The following BRD4 variants were observed in gnomAD, a reference collection of about 807,000 sequenced individuals.
The protein encoded by BRD4 is bromodomain-containing protein 4.
BRD4 carries 16 observed loss-of-function variants against 142.1 expected under a neutral mutation model. That is an observed-to-expected ratio of 0.11 (90% confidence interval 0.08 to 0.17). BRD4 has a LOEUF of 0.17. Ranked by LOEUF, BRD4 falls within the 10% of genes least tolerant of loss-of-function variation. BRD4 has a pLI of 1.00. For missense variants in BRD4, 1,424 were observed against 1,810.9 expected (o/e 0.79, Z 3.88); for synonymous variants, 833 against 707.5 (o/e 1.18, Z -2.82).
chr19:15,283,321 G>A (rs530358265), intron 1 of BRD4, among the ~76,000 whole-genome samples: 2 of 152,164 alleles, frequency 1.3e-5, no homozygotes, highest in African/African-American at 4.8e-5. Context: ...GCTGCCCCTG[G>A]TGTCAATCAG....
chr19:15,237,341 T>C lies in BRD4; in HGVS notation c.*1036A>G, dbSNP rs953801158. ...ATAAAGTTTGAAACTGAGTAAAATA[T>C]AGGCAGGATTTTTTTTGTGTGTTTT... On this transcript the variant is annotated 3_prime_UTR_variant, in exon 20 of 20. Coordinates refer to ENST00000679869, the MANE Select transcript of BRD4 (RefSeq NM_001379291.1). 4.8e-6 allele frequency: 1 copy of C among 208,130 alleles called. No homozygotes were observed. The highest frequency in any genetic ancestry group is 2.4e-5 in the African/African-American group (1 of 41,230). The allele number at this position is 208,130 out of a possible 1,614,324, so 12.9% of individuals were successfully genotyped here.
At chr19:15,319,605 C>T (rs1050037594) in intron 1 of BRD4, among the ~76,000 whole-genome samples, 2 of 151,918 alleles carry the variant, frequency 1.3e-5, no homozygotes, top group African/African-American at 4.8e-5. Context: ...CAGAGCAAGA[C>T]CCTGTCTTAA....
At position 15,256,266 on chromosome 19, in the gene BRD4, G is replaced by A. The variant is rs2145573597; in HGVS notation, c.1552-3C>T. ...AGCTGCTCGTGCACGGCTTTGAGCT[G>A]TAGACCAGACAGGCAAGACACACAC... is the stretch of plus-strand genomic sequence containing the variant. On this transcript the variant is annotated splice_polypyrimidine_tract_variant and splice_region_variant and intron_variant, in intron 8 of 19. Transcript: ENST00000679869. 1.9e-6 allele frequency: 3 copies of A among 1,609,422 alleles called. No individual in the cohort carries two copies. The highest frequency in any genetic ancestry group is 2.5e-6 in the Non-Finnish European group (3 of 1,179,134).
At position 15,264,568 on chromosome 19, in the gene BRD4, C is replaced by T. The variant is rs773222721; in HGVS notation, c.1048G>A (p.Val350Ile). Residue 350 changes from valine (V) to isoleucine (I), a missense_variant, in exon 6 of 20, where the codon GTC becomes ATC. Coordinates refer to ENST00000679869, the MANE Select transcript of BRD4 (RefSeq NM_001379291.1). The part of the protein sequence containing the change: ...QHPAPEKSSK[V>I]SEQLKCCSGI... ...CTGCAGCACTTGAGCTGCTCCGAGA[C>T]CTTGCTGCTCTTCTCTGGTGCTGGG... 5.0e-6 allele frequency: 8 copies of T among 1,614,208 alleles called. No homozygotes were observed. In the South Asian group the frequency reaches 6.6e-5, roughly 13 times the overall value.
At chr19:15,313,310 TTGCCGTAAGCCAATATCG>T (rs1458084133) in intron 1 of BRD4, among the ~76,000 whole-genome samples, 1 of 147,996 alleles carries the variant, frequency 6.8e-6, no homozygotes, top group Admixed American at 6.8e-5. Context: ...AAGGCGGAGC[TTGCCGTAAGCCAATATCG>T]TGCCACTTCA....
chr19:15,264,398 G>A lies in BRD4; in HGVS notation c.1212+6C>T, dbSNP rs761735217. The stretch of plus-strand genomic sequence containing the variant: ...TTGTCCCTTCCCTCAGGCACATCCC[G>A]CTAACCTTGATTGTGCTCATGTCCA... On this transcript the variant is annotated splice_donor_region_variant and intron_variant, in intron 6 of 19. Coordinates refer to ENST00000679869, the MANE Select transcript of BRD4 (RefSeq NM_001379291.1). 21 of 1,589,842 alleles carry A rather than the reference G, an allele frequency of 1.3e-5. No homozygotes were observed. In the East Asian group the frequency reaches 2.9e-4, roughly 22 times the overall value.
intron 1 of BRD4, among the ~76,000 whole-genome samples, chr19:15,325,561 G>A (rs1439776765): frequency 6.6e-6 from 1 of 152,130 alleles, no homozygotes; most frequent in Non-Finnish European, 1.5e-5. Flanking sequence ...ATCATCATTT[G>A]TGGGGGAAAA....
intron 1 of BRD4, among the ~76,000 whole-genome samples, chr19:15,327,949 G>A (rs1021077582): frequency 4.7e-5 from 6 of 127,956 alleles, no homozygotes; most frequent in African/African-American, 1.8e-4. Flanking sequence ...TCCTAAAATT[G>A]GTTGCAGTGA....
chr19:15,243,832 G>C (rs1362548249), intron 13 of BRD4, among the ~76,000 whole-genome samples: 1 of 152,278 alleles, frequency 6.6e-6, no homozygotes, highest in Middle Eastern at 3.4e-3. Flanking sequence ...TATCCCCCAG[G>C]TGAGTGCTGT....
At chr19:15,320,717 T>A (rs749399436) in intron 1 of BRD4, among the ~76,000 whole-genome samples, 285 of 152,318 alleles carry the variant, frequency 1.9e-3, no homozygotes, top group Middle Eastern at 3.4e-3. Flanking sequence ...CTCCCAGAGC[T>A]CCTTCTATGC....
intron 2 of BRD4, 80 bp downstream of exon 2, chr19:15,272,735 C>A: frequency 7.2e-7 from 1 of 1,395,976 alleles, no homozygotes; most frequent in Non-Finnish European, 9.8e-7. Flanking sequence ...CTACCCTCCC[C>A]CCAGGAACTG....
intron 1 of BRD4, among the ~76,000 whole-genome samples, chr19:15,326,712 T>C (rs748946745): frequency 2.6e-5 from 4 of 152,194 alleles, no homozygotes; most frequent in Non-Finnish European, 4.4e-5. Flanking sequence ...GAACAACCAA[T>C]GTTATTCCTC....
chr19:15,305,706 G>A (rs1217267541), intron 1 of BRD4, among the ~76,000 whole-genome samples: 1 of 152,186 alleles, frequency 6.6e-6, no homozygotes, highest in Non-Finnish European at 1.5e-5. Context: ...TCAACTTAAA[G>A]TCATCAGCTA....
At chr19:15,311,727 G>A (rs537852856) in intron 1 of BRD4, among the ~76,000 whole-genome samples, 5 of 151,722 alleles carry the variant, frequency 3.3e-5, no homozygotes, top group East Asian at 2.0e-4. Flanking sequence ...ACTTGAACCC[G>A]GGAGGCAGAC....
At chr19:15,258,476 G>A (rs532394393) in intron 7 of BRD4, among the ~76,000 whole-genome samples, 6 of 152,116 alleles carry the variant, frequency 3.9e-5, no homozygotes, top group African/African-American at 7.2e-5. Context: ...CAGAGGCAGC[G>A]TTCTACCATG....
In BRD4 at chr19:15,255,604, C is replaced by T. The variant is rs199945643; in HGVS notation, c.1752-12G>A. On this transcript the variant is annotated splice_polypyrimidine_tract_variant and intron_variant, in intron 9 of 19. Coordinates refer to ENST00000679869, the MANE Select transcript of BRD4 (RefSeq NM_001379291.1). ...CTGGCTCCTTCTTGCTACGAAGGGA[C>T]GATGCAGACACCATCAAGAACGGGC... 1.5e-4 allele frequency: 232 copies of T among 1,594,402 alleles called. No homozygotes were observed. The highest frequency in any genetic ancestry group is 1.7e-4 in the Middle Eastern group (1 of 5,980).
intron 11 of BRD4, chr19:15,253,497 T>G: frequency 6.8e-7 from 1 of 1,468,930 alleles, no homozygotes; most frequent in Non-Finnish European, 9.2e-7. Flanking sequence ...AAGAAGGGAC[T>G]GTTAGTTAGA....
At chr19:15,287,369 G>A (rs943322815) in intron 1 of BRD4, among the ~76,000 whole-genome samples, 3 of 151,758 alleles carry the variant, frequency 2.0e-5, no homozygotes, top group Non-Finnish European at 4.4e-5. Context: ...GTGCATTCAC[G>A]CTACTATGCA....
intron 11 of BRD4, among the ~76,000 whole-genome samples, chr19:15,252,576 G>A (rs2047359262): frequency 6.6e-6 from 1 of 152,216 alleles, no homozygotes; most frequent in South Asian, 2.1e-4. Context: ...AGCTTCGGGT[G>A]GCAAAGCCAG....
Sources: allele counts gnomAD v4.1 joint callset (sites outside exome capture counted in the v4.1 genomes callset), GRCh38; gene constraint gnomAD v4.1.1; transcripts MANE v1.5; gene names NCBI Gene and HGNC (gene_info 2026-07-23, HGNC 2026-07-21).